ASB18: variants seen among roughly 807,000 people sequenced by gnomAD.
ASB18 encodes ankyrin repeat and SOCS box protein 18.
Under a neutral mutation model 33.4 loss-of-function variants are expected in ASB18, and 33 were observed. That is an observed-to-expected ratio of 0.99 (90% CI 0.75 to 1.32). ASB18 has a LOEUF of 1.32. ASB18 is among the 40% of genes most tolerant of loss of function. The pLI, the probability that ASB18 is intolerant of heterozygous loss-of-function variation, is 0.00. For missense variants in ASB18, 694 were observed against 655.5 expected (o/e 1.06, Z -0.64); for synonymous variants, 295 against 307.6 (o/e 0.96, Z 0.43).
intron 3 of ASB18, among the ~76,000 whole-genome samples, chr2:236,218,964 G>T (rs1424039642): frequency 6.6e-6 from 1 of 151,624 alleles, no homozygotes; most frequent in African/African-American, 2.4e-5. Context: ...TGAACTTCTG[G>T]GCTCCAGCAA....
At position 236,238,008 on chromosome 2, in the gene ASB18, TG is replaced by T; in HGVS notation, c.329-53del. On this transcript the variant is annotated intron_variant, in intron 2 of 5. Transcript: ENST00000409749. This position sits in a 1 kb window ranked among gnomAD's most constrained non-coding sequence, Gnocchi z 5.2. ...GTCAGGGGGAGGTTAGTTGTGGTGG[TG>T]GTGGGCGGTGTTCCTTAAGGCGGAA... 5 of 1,418,408 alleles carry T rather than the reference TG, an allele frequency of 3.5e-6. No individual in the cohort carries two copies. Among genetic ancestry groups the T allele is most frequent in the Non-Finnish European group, 4.6e-6 (5 of 1,089,910 alleles). 87.9% of individuals were successfully genotyped at this position (1,418,408 alleles called of 1,614,324 possible).
chr2:236,198,514 G>A (rs557670662), intron 4 of ASB18, among the ~76,000 whole-genome samples: 67 of 151,968 alleles, frequency 4.4e-4, no homozygotes, highest in African/African-American at 1.6e-3. Context: ...ACTACAGGCA[G>A]GTGCCACCAC....
rs530430378 is a variant in ASB18, at chr2:236,211,761, T to C, written c.1101+2601A>G. The stretch of plus-strand genomic sequence containing the variant: ...CTCTAGCTTTCCACAGAGTTTTGCT[T>C]CGGTTGTGGGGACCAAGCTAGAACA... On this transcript the variant is annotated intron_variant, in intron 4 of 5. Transcript: ENST00000409749. This position sits in a 1 kb window ranked among gnomAD's most constrained non-coding sequence, Gnocchi z 5.0. 2.6e-5 allele frequency among the ~76,000 whole-genome samples: 4 copies of C among 152,258 alleles called. No individual in the cohort carries two copies. The South Asian group carries it at 8.3e-4, about 32-fold the overall frequency.
intron 3 of ASB18, among the ~76,000 whole-genome samples, chr2:236,227,524 G>C (rs1224173813): frequency 1.3e-5 from 2 of 152,140 alleles, no homozygotes; most frequent in African/African-American, 4.8e-5. Flanking sequence ...TGAGAACACA[G>C]AGACATAGAA....
rs1042929195 is a variant in ASB18 at position 236,235,732 on chromosome 2, G to T, written c.596+1957C>A. ...TATTGTTATTATTATTTGAGACAGG[G>T]TCTCAACTCTGTCACCCAGGCTGGA... On this transcript the variant is annotated intron_variant, in intron 3 of 5. Transcript: ENST00000409749. The surrounding 1 kb of genome is among the most constrained non-coding windows in gnomAD (Gnocchi z 6.2). 6.6e-6 allele frequency among the ~76,000 whole-genome samples: 1 copy of T among 152,154 alleles called. No individual in the cohort carries two copies. Among genetic ancestry groups the T allele is most frequent in the Non-Finnish European group, 1.5e-5 (1 of 68,034 alleles).
Position 236,222,657 on chromosome 2 carries a change from G to A in ASB18, c.597-7791C>T, listed in dbSNP as rs1234221577. Among the ~76,000 whole-genome samples, 2 of 152,150 alleles carry A rather than the reference G, an allele frequency of 1.3e-5. No individual in the cohort carries two copies. The highest frequency in any genetic ancestry group is 2.1e-4 in the South Asian group (1 of 4,826). On this transcript the variant is annotated intron_variant, in intron 3 of 5. Coordinates refer to ENST00000409749, the MANE Select transcript of ASB18 (RefSeq NM_212556.4). The surrounding 1 kb of genome is among the most constrained non-coding windows in gnomAD (Gnocchi z 5.5). Reference sequence around the variant, plus strand: ...TGGTTCATGGGGGTAGGTCTCTCACGAATGGTTTAGTACCATCCCCTTGGT... The same window carrying A: ...TGGTTCATGGGGGTAGGTCTCTCACAAATGGTTTAGTACCATCCCCTTGGT...
At position 236,264,297 on chromosome 2, in the gene ASB18, C is replaced by CTT; in HGVS notation, c.48_49insAA (p.Val17LysfsTer2). The CTT allele has an allele frequency of 1.2e-6, 2 of 1,613,946 alleles. No individual in the cohort carries two copies. Among genetic ancestry groups the CTT allele is most frequent in the Non-Finnish European group, 1.7e-6 (2 of 1,179,852 alleles). On this transcript the variant is annotated frameshift_variant, in exon 1 of 6. Transcript: ENST00000409749. LOFTEE classifies it high-confidence loss of function. This position sits in a 1 kb window ranked among gnomAD's most constrained non-coding sequence, Gnocchi z 5.1. ...TCCAGGGCAGACTTTAATCTCTTCA[C>CTT]TAAATCTGAGTTGAGTGGGTAGTCG...
At position 236,228,133 on chromosome 2, in the gene ASB18, T is replaced by C. The variant is rs552438824; in HGVS notation, c.596+9556A>G. On this transcript the variant is annotated intron_variant, in intron 3 of 5. Coordinates refer to ENST00000409749, the MANE Select transcript of ASB18 (RefSeq NM_212556.4). The surrounding 1 kb of genome is among the most constrained non-coding windows in gnomAD (Gnocchi z 5.1). ...GTCAAGAACAAAAATTGGAAGTGAA[T>C]GCAAGGTAGAAATTAATCCATGTCT... is the stretch of plus-strand genomic sequence containing the variant. Among the ~76,000 whole-genome samples, 9 of 152,366 alleles carry C rather than the reference T, an allele frequency of 5.9e-5. No individual in the cohort carries two copies. The highest frequency in any genetic ancestry group is 1.3e-4 in the Admixed American group (2 of 15,312).
chr2:236,242,626 T>A (rs555564867), intron 1 of ASB18, among the ~76,000 whole-genome samples: 1 of 151,928 alleles, frequency 6.6e-6, no homozygotes, highest in Non-Finnish European at 1.5e-5. Flanking sequence ...GCCCTGCTAA[T>A]TTTTTTTTAA....
At position 236,214,754 on chromosome 2, in the gene ASB18, G is replaced by A. The variant is rs1048828138; in HGVS notation, c.709C>T (p.Leu237=). Residue 237 remains leucine, a synonymous_variant, in exon 4 of 6, where the codon CTG becomes TTG. Coordinates refer to ENST00000409749, the MANE Select transcript of ASB18 (RefSeq NM_212556.4). The surrounding 1 kb of genome is among the most constrained non-coding windows in gnomAD (Gnocchi z 6.5). ...AQRGLDEHAR[L]YLGRGAHVDA... is the part of the protein sequence containing the mutation. ...ACGTGCGCCCCGCGGCCCAGGTACA[G>A]GCGCGCGTGCTCGTCCAGGCCGCGC... The A allele has an allele frequency of 8.5e-7, 1 of 1,177,442 alleles. No homozygotes were observed. Among genetic ancestry groups the A allele is most frequent in the African/African-American group, 1.6e-5 (1 of 61,792 alleles). The allele number at this position is 1,177,442 out of a possible 1,614,324, so 72.9% of individuals were successfully genotyped here.
intron 1 of ASB18, among the ~76,000 whole-genome samples, chr2:236,242,082 T>C (rs2106280804): frequency 6.6e-6 from 1 of 152,344 alleles, no homozygotes; most frequent in African/African-American, 2.4e-5. Flanking sequence ...CACCAGTTGC[T>C]TTTTAAGTAT....
rs144919508 is a variant in ASB18, at chr2:236,221,456, A to T, written c.597-6590T>A. ...GGACCCGGTGGGAGATAATTGAATC[A>T]TGGGGGTGGTTTCCTTCATACTGTT... On this transcript the variant is annotated intron_variant, in intron 3 of 5. Coordinates refer to ENST00000409749, the MANE Select transcript of ASB18 (RefSeq NM_212556.4). The surrounding 1 kb of genome is among the most constrained non-coding windows in gnomAD (Gnocchi z 5.6). Among the ~76,000 whole-genome samples, 1,799 of 152,252 alleles carry T rather than the reference A, an allele frequency of 0.012. 6 individuals are homozygous for T. Among genetic ancestry groups the T allele is most frequent in the Non-Finnish European group, 0.02 (1,350 of 68,010 alleles).
rs1024088109 is a variant in ASB18 at position 236,222,208 on chromosome 2, T to C, written c.597-7342A>G. On this transcript the variant is annotated intron_variant, in intron 3 of 5. Coordinates refer to ENST00000409749, the MANE Select transcript of ASB18 (RefSeq NM_212556.4). The surrounding 1 kb of genome is among the most constrained non-coding windows in gnomAD (Gnocchi z 5.5). ...GGATCTTCCATCTACCCCTTTCTGT[T>C]CTGCATTTTCTTTTCTCTCCCTCTC... 2.0e-5 allele frequency among the ~76,000 whole-genome samples: 3 copies of C among 152,170 alleles called. No homozygotes were observed. Among genetic ancestry groups the C allele is most frequent in the Non-Finnish European group, 4.4e-5 (3 of 68,028 alleles).
rs2060596167 is a variant in ASB18 at position 236,237,154 on chromosome 2, T to C, written c.596+535A>G. On this transcript the variant is annotated intron_variant, in intron 3 of 5. Coordinates refer to ENST00000409749, the MANE Select transcript of ASB18 (RefSeq NM_212556.4). The surrounding 1 kb of genome is among the most constrained non-coding windows in gnomAD (Gnocchi z 6.2). ...CCCCGCCCGAGGAGCTAACCATTTA[T>C]GTCACACTGTGACAATTATTCTGCA... Among the ~76,000 whole-genome samples, 1 of 152,172 alleles carries C rather than the reference T, an allele frequency of 6.6e-6. No homozygotes were observed. Among genetic ancestry groups the C allele is most frequent in the Admixed American group, 6.5e-5 (1 of 15,286 alleles).
chr2:236,241,411 A>T lies in ASB18; in HGVS notation c.206-9T>A. 6.2e-7 allele frequency: 1 copy of T among 1,613,976 alleles called. No homozygotes were observed. Among genetic ancestry groups the T allele is most frequent in the African/African-American group, 1.3e-5 (1 of 75,054 alleles). On this transcript the variant is annotated splice_polypyrimidine_tract_variant and intron_variant, in intron 1 of 5. Transcript: ENST00000409749. The surrounding 1 kb of genome is among the most constrained non-coding windows in gnomAD (Gnocchi z 4.2). ...CAGATGGTCGAGGTCCCCTGCGACC[A>T]GGGCAGTGTGGTACTCCTGCACCGG... is the stretch of plus-strand genomic sequence containing the variant.
intron 3 of ASB18, among the ~76,000 whole-genome samples, chr2:236,224,382 GC>G (rs2060527380): frequency 6.6e-6 from 1 of 151,918 alleles, no homozygotes; most frequent in Non-Finnish European, 1.5e-5. Flanking sequence ...TTTTGATTTG[GC>G]CTGGACTGGC....
chr2:236,214,760 C>T lies in ASB18; in HGVS notation c.703G>A (p.Ala235Thr). Residue 235 changes from alanine (A) to threonine (T), a missense_variant, in exon 4 of 6, where the codon GCG (alanine) becomes ACG (threonine). Transcript: ENST00000409749. This position sits in a 1 kb window ranked among gnomAD's most constrained non-coding sequence, Gnocchi z 6.5. ...VAAQRGLDEH[A>T]RLYLGRGAHV... ...GCCCCGCGGCCCAGGTACAGGCGCG[C>T]GTGCTCGTCCAGGCCGCGCTGCGCC... 8.5e-7 allele frequency: 1 copy of T among 1,181,166 alleles called. No homozygotes were observed. 73.2% of individuals were successfully genotyped at this position (1,181,166 alleles called of 1,614,324 possible). A position where few individuals can be genotyped will look rare whatever the true frequency, so the allele number is the denominator to read the frequency against.
chr2:236,232,261 C>CA (rs34385265), intron 3 of ASB18, among the ~76,000 whole-genome samples: 56,913 of 146,676 alleles, frequency 0.39, 13,432 homozygotes, highest in East Asian at 0.57. Context: ...ACCCATGACT[C>CA]AAAAAAAAAA....
At chr2:236,212,511 C>A (rs1466204) in intron 4 of ASB18, among the ~76,000 whole-genome samples, 27,313 of 151,752 alleles carry the variant, frequency 0.18, 2,486 homozygotes, top group East Asian at 0.26. Context: ...ATATTGACTC[C>A]TTTTTTTTTC....
Sources: allele counts gnomAD v4.1 joint callset (sites outside exome capture counted in the v4.1 genomes callset), GRCh38; gene constraint gnomAD v4.1.1; non-coding constraint Gnocchi (gnomAD v3.1); transcripts MANE v1.5; gene names NCBI Gene and HGNC (gene_info 2026-07-23, HGNC 2026-07-21).